Variants in BICRAL observed in about 807,000 individuals in gnomAD.
BICRAL encodes BRD4-interacting chromatin-remodeling complex-associated protein-like.
A neutral mutation model predicts 91.8 loss-of-function variants in BICRAL; 8 were observed. The observed-to-expected ratio is 0.09, with a 90% CI of 0.05 to 0.16. BICRAL has a LOEUF of 0.16. BICRAL is among the 10% of genes least tolerant of loss of function. The pLI is 1.00. For synonymous variants in BICRAL, 445 were observed against 491.1 expected, an observed-to-expected ratio of 0.91 and a Z score of 1.24; for missense variants, 1,038 against 1,310.9, an observed-to-expected ratio of 0.79 and a Z score of 3.21.
At chr6:42,797,313 G>A (rs904785311) in intron 1 of BICRAL, among the ~76,000 whole-genome samples, 8 of 152,132 alleles carry the variant, frequency 5.3e-5, no homozygotes, top group Non-Finnish European at 8.8e-5. Flanking sequence ...GAAGTGGAAG[G>A]CTGGGAAGGG....
chr6:42,840,938 G>A (rs960978230), intron 6 of BICRAL, among the ~76,000 whole-genome samples: 1 of 151,110 alleles, frequency 6.6e-6, no homozygotes, highest in African/African-American at 2.4e-5. Context: ...ACCAGGTGTG[G>A]TGGGGCATGC....
At chr6:42,770,338 C>T (rs2113842791) in intron 1 of BICRAL, among the ~76,000 whole-genome samples, 1 of 152,062 alleles carries the variant, frequency 6.6e-6, no homozygotes, top group South Asian at 2.1e-4. Flanking sequence ...AAGCGATCCT[C>T]ATGCCTCAGC....
intron 1 of BICRAL, among the ~76,000 whole-genome samples, chr6:42,751,487 A>G (rs1762380082): frequency 6.6e-6 from 1 of 152,132 alleles, no homozygotes; most frequent in African/African-American, 2.4e-5. Flanking sequence ...TACATGCCTC[A>G]AGAAGTAAGT....
In BICRAL at chr6:42,855,491, G is replaced by A. The variant is rs959464852; in HGVS notation, c.2047-365G>A. ...TGGGAAGCAGAGGTTGCAGTGAGCCGAGATTGTACCACCACACTCCAGCCT... is the reference window on the plus strand; with the variant it reads ...TGGGAAGCAGAGGTTGCAGTGAGCCAAGATTGTACCACCACACTCCAGCCT... On this transcript the variant is annotated intron_variant, in intron 8 of 12. Transcript: ENST00000314073. 4.6e-5 allele frequency among the ~76,000 whole-genome samples: 7 copies of A among 152,184 alleles called. No homozygotes were observed. In the East Asian group the frequency reaches 5.8e-4, roughly 13 times the overall value.
At chr6:42,846,085 T>C (rs1320226240) in intron 6 of BICRAL, among the ~76,000 whole-genome samples, 7 of 142,562 alleles carry the variant, frequency 4.9e-5, no homozygotes, top group Admixed American at 7.1e-5. Context: ...AAAAAAGTTA[T>C]AGATTCCTAG....
At chr6:42,816,535 TC>T (rs1205799850) in intron 2 of BICRAL, among the ~76,000 whole-genome samples, 1 of 152,128 alleles carries the variant, frequency 6.6e-6, no homozygotes, top group African/African-American at 2.4e-5. Flanking sequence ...CAAGTCATCC[TC>T]CGACCTCAGC....
At chr6:42,781,286 T>C (rs1199182668), upstream of BICRAL, among the ~76,000 whole-genome samples, 1 of 152,162 alleles carries the variant, frequency 6.6e-6, no homozygotes. Flanking sequence ...CTGCCTCACC[T>C]TCCTTTTAGT....
intron 6 of BICRAL, among the ~76,000 whole-genome samples, chr6:42,835,365 G>A (rs1764609216): frequency 6.6e-6 from 1 of 152,014 alleles, no homozygotes; most frequent in Non-Finnish European, 1.5e-5. Flanking sequence ...CTGACCTCTG[G>A]TGATCCACCC....
chr6:42,829,926 G>T lies in BICRAL; in HGVS notation c.1593G>T (p.Val531=). 1 of 1,614,230 alleles carries T rather than the reference G, an allele frequency of 6.2e-7. No individual in the cohort carries two copies. Among genetic ancestry groups the T allele is most frequent in the Non-Finnish European group, 8.5e-7 (1 of 1,180,044 alleles). Residue 531 remains valine (V), a synonymous_variant, in exon 6 of 13, where the codon GTG becomes GTT. Transcript: ENST00000314073. ...CTGGCTTCGCCACCATGCCATCGGT[G>T]ACAAGCATGTCAGGACCTAGTCGGT... ...GRPGFATMPS[V]TSMSGPSRFP...
intron 6 of BICRAL, among the ~76,000 whole-genome samples, chr6:42,850,248 A>T (rs532840652): frequency 1.3e-5 from 2 of 152,194 alleles, no homozygotes; most frequent in East Asian, 3.9e-4. Context: ...GGCTGGGTGT[A>T]GTGGCTCACG....
intron 1 of BICRAL, among the ~76,000 whole-genome samples, chr6:42,759,675 G>T (rs184158427): frequency 8.5e-5 from 13 of 152,294 alleles, no homozygotes; most frequent in Admixed American, 8.5e-4. Context: ...TTGCTCCTGG[G>T]TTCCTCTGTG....
At chr6:42,863,564 C>T (rs1281969961) in intron 12 of BICRAL, among the ~76,000 whole-genome samples, 5 of 152,158 alleles carry the variant, frequency 3.3e-5, no homozygotes, top group Non-Finnish European at 2.9e-5. Flanking sequence ...TATCTTCACC[C>T]GGAAAGTATG....
chr6:42,792,092 C>T (rs534163679), intron 1 of BICRAL, among the ~76,000 whole-genome samples: 2 of 152,170 alleles, frequency 1.3e-5, no homozygotes, highest in South Asian at 2.1e-4. Flanking sequence ...ATGAATGAAG[C>T]TTGGAGGACT....
chr6:42,844,064 A>C (rs1432890810), intron 6 of BICRAL, among the ~76,000 whole-genome samples: 1 of 149,814 alleles, frequency 6.7e-6, no homozygotes, highest in Admixed American at 6.7e-5. Context: ...GGCCTCCTAA[A>C]GTGCTGGGAT....
At chr6:42,814,579 T>C (rs1221472967) in intron 2 of BICRAL, among the ~76,000 whole-genome samples, 1 of 144,066 alleles carries the variant, frequency 6.9e-6, no homozygotes, top group African/African-American at 2.6e-5. Context: ...TGGAGTTCAG[T>C]GGCACGATCT....
chr6:42,822,960 G>T lies in BICRAL; in HGVS notation c.116G>T (p.Gly39Val), dbSNP rs1764185683. ...KSSNDDLTNAGYSAANSNSIF... is the reference protein window; with the variant it reads ...KSSNDDLTNAVYSAANSNSIF... ...AGCAATGATGACTTGACTAATGCAG[G>T]ATATTCTGCAGCCAATTCAAATTCA... Residue 39 changes from glycine (G) to valine (V), a missense_variant, in exon 5 of 13, where the codon GGA becomes GTA. Physicochemically the swap from Gly to Val is moderately radical, Grantham distance 109. Around this residue, in one of 5 missense-constraint regions of BICRAL, gnomAD observed 115 missense variants for 121.5 expected, o/e 0.95. Transcript: ENST00000314073. 6.2e-7 allele frequency: 1 copy of T among 1,610,772 alleles called. No homozygotes were observed. Among genetic ancestry groups the T allele is most frequent in the Non-Finnish European group, 8.5e-7 (1 of 1,177,128 alleles).
chr6:42,756,434 G>T (rs1013025424), intron 1 of BICRAL, among the ~76,000 whole-genome samples: 2 of 151,902 alleles, frequency 1.3e-5, no homozygotes, highest in African/African-American at 4.8e-5. Flanking sequence ...CACCTCCTTT[G>T]GCAAGCTTAC....
At chr6:42,856,260 GA>G (rs1765347736) in intron 9 of BICRAL, among the ~76,000 whole-genome samples, 1 of 150,962 alleles carries the variant, frequency 6.6e-6, no homozygotes, top group Non-Finnish European at 1.5e-5. Context: ...AGCTTGCAGT[GA>G]ATTGGAGATT....
intron 1 of BICRAL, among the ~76,000 whole-genome samples, chr6:42,751,864 T>C (rs895827948): frequency 6.9e-4 from 104 of 151,596 alleles, no homozygotes; most frequent in African/African-American, 2.5e-3. Flanking sequence ...TCCATGTTGG[T>C]CAGGCTGGTC....
Sources: gnomAD v4.1 joint callset for allele counts (sites outside exome capture counted in the v4.1 genomes callset) on GRCh38, gnomAD v4.1.1 for gene constraint, gnomAD v4.1.1 regional missense constraint, MANE v1.5 for transcripts, NCBI Gene and HGNC (gene_info 2026-07-23, HGNC 2026-07-21) for gene names.